The following CCDC40 variants were observed in gnomAD, a reference collection of about 807,000 sequenced individuals.
CCDC40 encodes coiled-coil domain 40 molecular ruler complex subunit, also known as coiled-coil domain-containing protein 40.
Under a neutral mutation model 124.5 loss-of-function variants are expected in CCDC40, and 104 were observed. That is an observed-to-expected ratio of 0.84 (90% confidence interval 0.71 to 0.98). The LOEUF is 0.98. CCDC40 is among the 50% of genes least tolerant of loss of function. The pLI, the probability that CCDC40 is intolerant of heterozygous loss-of-function variation, is 0.00. For missense variants in CCDC40, 1,463 were observed against 1,503.9 expected (o/e 0.97, Z 0.45); for synonymous variants, 580 against 602.9 (o/e 0.96, Z 0.56).
intron 3 of CCDC40, among the ~76,000 whole-genome samples, chr17:80,046,060 T>C (rs181333639): frequency 8.3e-4 from 127 of 152,300 alleles, no homozygotes; most frequent in African/African-American, 2.7e-3. Flanking sequence ...TGCAATGCCC[T>C]ATCCCCAAAT....
intron 3 of CCDC40, among the ~76,000 whole-genome samples, chr17:80,044,706 C>T (rs1261013415): frequency 0.12 from 8,512 of 68,452 alleles, 556 homozygotes; most frequent in African/African-American, 0.3. Context: ...AACAAACAAA[C>T]AAAAAAAAAA....
At chr17:80,081,323 T>G (rs2038441529) in intron 10 of CCDC40, 2 of 277,896 alleles carry the variant, frequency 7.2e-6, no homozygotes, top group Non-Finnish European at 1.4e-5. Context: ...AGGCGGAGGT[T>G]GCAGTGAACC....
In CCDC40 at chr17:80,095,312, T is replaced by G. The variant is rs1245665459; in HGVS notation, c.2882T>G (p.Met961Arg). The change falls in exon 18 of 20, where the codon ATG (methionine) becomes AGG (arginine). Residue 961 changes from methionine (M) to arginine (R), a missense_variant. Met to Arg is a moderately conservative substitution (Grantham distance 91). Transcript: ENST00000397545. ...LKQQEKMIRA[M>R]ELAVARRETV... ...CAGCAGGAGAAGATGATCCGTGCCATGGAGTTGGCGGTTGCCCGCAGAGAG... is the reference window on the plus strand; with the variant it reads ...CAGCAGGAGAAGATGATCCGTGCCAGGGAGTTGGCGGTTGCCCGCAGAGAG... 6.2e-7 allele frequency: 1 copy of G among 1,614,038 alleles called. No individual in the cohort carries two copies.
At position 80,049,972 on chromosome 17, in the gene CCDC40, C is replaced by G. The variant is rs1331751235; in HGVS notation, c.922C>G (p.Leu308Val). Residue 308 changes from leucine to valine, a missense_variant, in exon 6 of 20, where the codon CTG (leucine) becomes GTG (valine). Leu to Val is a conservative substitution (Grantham distance 32). Transcript: ENST00000397545. ...GAACCGACAGATCGAAAAGTTGAAGCTGGACCTCCAAGAGCTGGTGTGTAT... is the reference window on the plus strand; with the variant it reads ...GAACCGACAGATCGAAAAGTTGAAGGTGGACCTCCAAGAGCTGGTGTGTAT... Reference protein sequence around the residue: ...YLNRQIEKLKLDLQELVVATK... With the variant: ...YLNRQIEKLKVDLQELVVATK... 1.2e-6 allele frequency: 2 copies of G among 1,614,112 alleles called. No homozygotes were observed. Among genetic ancestry groups the G allele is most frequent in the Middle Eastern group, 1.6e-4 (1 of 6,062 alleles).
rs549420112 is a variant in CCDC40 at position 80,053,583 on chromosome 17, G to C, written c.1159+3300G>C. Among the ~76,000 whole-genome samples, 23 of 152,170 alleles carry C rather than the reference G, an allele frequency of 1.5e-4. No homozygotes were observed. In the East Asian group the frequency reaches 3.5e-3, roughly 23 times the overall value. On this transcript the variant is annotated intron_variant, in intron 7 of 19. Transcript: ENST00000397545. ...TACAGAATTCAGAATTCTCTTTTTT[G>C]TGTTTTTTGTTTGTTTGTTTGTTTG... is the stretch of plus-strand genomic sequence containing the variant.
chr17:80,087,940 G>C lies in CCDC40; in HGVS notation c.2620-71G>C. 1.5e-6 allele frequency: 2 copies of C among 1,345,542 alleles called. No individual in the cohort carries two copies. The highest frequency in any genetic ancestry group is 2.1e-6 in the Non-Finnish European group (2 of 935,890). The allele number at this position is 1,345,542 out of a possible 1,614,324, so 83.4% of individuals were successfully genotyped here. ...CAGCCCTGCCCTCGGTGCCGGGATA[G>C]AGGGCACCAGCCCCGGCATCCACAA... On this transcript the variant is annotated intron_variant, in intron 15 of 19. Coordinates refer to ENST00000397545, the MANE Select transcript of CCDC40 (RefSeq NM_017950.4). The surrounding 1 kb of genome is among the most constrained non-coding windows in gnomAD (Gnocchi z 4.5).
chr17:80,082,135 C>T lies in CCDC40; in HGVS notation c.1989+77C>T, dbSNP rs559524185. ...ATATGAGGGCAAGCCGTCCTGGAGG[C>T]GGAGAGGGCGGAGTCAGTGTGAGCA... On this transcript the variant is annotated intron_variant, in intron 12 of 19. Transcript: ENST00000397545. The T allele has an allele frequency of 7.0e-6, 9 of 1,277,100 alleles. No homozygotes were observed. The East Asian group carries it at 9.5e-5, about 14-fold the overall frequency. The allele number at this position is 1,277,100 out of a possible 1,614,324, so 79.1% of individuals were successfully genotyped here.
Position 80,099,608 on chromosome 17 carries a change from C to T in CCDC40, c.3262C>T (p.Arg1088Cys), listed in dbSNP as rs766993149. 3.3e-5 allele frequency: 54 copies of T among 1,613,732 alleles called. No individual in the cohort carries two copies. Among genetic ancestry groups the T allele is most frequent in the Admixed American group, 2.8e-4 (17 of 60,024 alleles). ...GGAGGGGCGCTACGTGTTCCTGTTC[C>T]GCTCCAAGCAGTCCCTAGTGCTGGA... ...VKEGRYVFLF[R>C]SKQSLVLERQ... Residue 1088 changes from arginine (R) to cysteine (C), a missense_variant, in exon 20 of 20, where the codon CGC (arginine) becomes TGC (cysteine). By Grantham distance (180) the Arg-to-Cys change is radical. Transcript: ENST00000397545.
intron 10 of CCDC40, among the ~76,000 whole-genome samples, chr17:80,075,785 T>C (rs1401773366): frequency 2.7e-5 from 4 of 149,728 alleles, no homozygotes; most frequent in Non-Finnish European, 6.0e-5. Flanking sequence ...GGCCCCAAAA[T>C]ATCACCTTTA....
intron 3 of CCDC40, among the ~76,000 whole-genome samples, chr17:80,042,795 T>C (rs2037316214): frequency 1.3e-5 from 2 of 152,106 alleles, no homozygotes; most frequent in Non-Finnish European, 2.9e-5. Context: ...CTGTGGGTGT[T>C]GCAGATGCCC....
rs1598542339 is a variant in CCDC40 at position 80,087,325 on chromosome 17, T to C, written c.2450-282T>C. 2.0e-6 allele frequency: 1 copy of C among 501,604 alleles called. No individual in the cohort carries two copies. The highest frequency in any genetic ancestry group is 3.6e-6 in the Non-Finnish European group (1 of 274,992). The allele number at this position is 501,604 out of a possible 1,614,324, so 31.1% of individuals were successfully genotyped here. On this transcript the variant is annotated intron_variant, in intron 14 of 19. Coordinates refer to ENST00000397545, the MANE Select transcript of CCDC40 (RefSeq NM_017950.4). This position sits in a 1 kb window ranked among gnomAD's most constrained non-coding sequence, Gnocchi z 4.5. ...GGGAGCCTGGCCCTCCCACACGCCC[T>C]GCCCACACCTGCTGGCTGTCCCCAC...
chr17:80,086,239 C>A lies in CCDC40; in HGVS notation c.2449+23C>A. 1 of 1,560,980 alleles carries A rather than the reference C, an allele frequency of 6.4e-7. No homozygotes were observed. Among genetic ancestry groups the A allele is most frequent in the East Asian group, 2.4e-5 (1 of 42,094 alleles). On this transcript the variant is annotated intron_variant, in intron 14 of 19. Coordinates refer to ENST00000397545, the MANE Select transcript of CCDC40 (RefSeq NM_017950.4). This position sits in a 1 kb window ranked among gnomAD's most constrained non-coding sequence, Gnocchi z 5.5. ...AAAGTAAGAGCCGCCGTGCCCGGCC[C>A]TGCAGTGATGCTGAGACGAGCTCTG...
intron 10 of CCDC40, among the ~76,000 whole-genome samples, chr17:80,070,966 C>T (rs1057262847): frequency 4.6e-5 from 7 of 152,144 alleles, no homozygotes; most frequent in Non-Finnish European, 7.4e-5. Flanking sequence ...CTGAAGGAAC[C>T]GTGTGTGACC....
At chr17:80,053,671 C>A (rs901660546) in intron 7 of CCDC40, among the ~76,000 whole-genome samples, 36 of 152,188 alleles carry the variant, frequency 2.4e-4, no homozygotes, top group Non-Finnish European at 2.9e-5. Flanking sequence ...CAGCTCACTG[C>A]AACCTCCACC....
At chr17:80,079,452 A>G (rs1017634867) in intron 10 of CCDC40, among the ~76,000 whole-genome samples, 2 of 152,080 alleles carry the variant, frequency 1.3e-5, no homozygotes, top group African/African-American at 4.8e-5. Flanking sequence ...GAGTTATTCC[A>G]TGTCAGAACA....
chr17:80,092,344 A>G (rs1358358352), intron 17 of CCDC40, among the ~76,000 whole-genome samples: 2 of 151,764 alleles, frequency 1.3e-5, no homozygotes, highest in Non-Finnish European at 2.9e-5. Flanking sequence ...CCAGCCCTAC[A>G]AGTTTTGATA....
chr17:80,085,080 C>T, intron 13 of CCDC40, 92 bp downstream of exon 13: 1 of 1,499,706 alleles, frequency 6.7e-7, no homozygotes, highest in Non-Finnish European at 9.1e-7. Flanking sequence ...CAGACATGAA[C>T]TCCTGGAAGG....
chr17:80,050,196 G>T lies in CCDC40; in HGVS notation c.1072G>T (p.Glu358Ter). ...CGACCGCCACGCAATGGCCTCGAGCGAGCGCAGGCAGAAGGAGGAGGAGCT... is the reference window on the plus strand; with the variant it reads ...CGACCGCCACGCAATGGCCTCGAGCTAGCGCAGGCAGAAGGAGGAGGAGCT... ...SHDRHAMASSERRQKEEELQA... is the reference protein window; with the variant it reads ...SHDRHAMASS The change falls in exon 7 of 20, where the codon GAG (glutamate) becomes TAG (stop). Residue 358 changes from glutamate to a stop codon, truncating the protein, a stop_gained. Transcript: ENST00000397545. LOFTEE classifies it high-confidence loss of function. The T allele has an allele frequency of 1.2e-6, 2 of 1,611,660 alleles. No homozygotes were observed. The highest frequency in any genetic ancestry group is 1.1e-5 in the South Asian group (1 of 90,866).
In CCDC40 at chr17:80,099,660, C is replaced by T. The variant is rs1322412141; in HGVS notation, c.3314C>T (p.Ala1105Val). The T allele has an allele frequency of 1.2e-6, 2 of 1,613,940 alleles. No individual in the cohort carries two copies. The highest frequency in any genetic ancestry group is 8.5e-7 in the Non-Finnish European group (1 of 1,180,024). Residue 1105 changes from alanine to valine, a missense_variant, in exon 20 of 20, where the codon GCT becomes GTT. Physicochemically the swap from Ala to Val is moderately conservative, Grantham distance 64 (BLOSUM62 0). Transcript: ENST00000397545. ...CGCCAGCGCCTGGACAAGCGACTGG[C>T]TCTCATCGCCACCATCCTGGACCGC... ...LERQRLDKRL[A>V]LIATILDRVR... is the part of the protein sequence containing the mutation.
Sources: gnomAD v4.1 joint callset for allele counts (sites outside exome capture counted in the v4.1 genomes callset) on GRCh38, gnomAD v4.1.1 for gene constraint, Gnocchi (gnomAD v3.1) non-coding constraint, MANE v1.5 for transcripts, NCBI Gene and HGNC (gene_info 2026-07-23, HGNC 2026-07-21) for gene names.